The following ESRP1 variants were observed in gnomAD, a reference collection of about 807,000 sequenced individuals.
The protein encoded by ESRP1 is epithelial splicing regulatory protein 1.
Under a neutral mutation model 81.7 loss-of-function variants are expected in ESRP1, and 33 were observed. The observed-to-expected ratio is 0.40, with a 90% CI of 0.31 to 0.54. ESRP1 has a LOEUF of 0.54. Ranked by LOEUF, ESRP1 falls within the 20% of genes least tolerant of loss-of-function variation. The pLI, the probability that ESRP1 is intolerant of heterozygous loss-of-function variation, is 0.41. For synonymous variants in ESRP1, 320 were observed against 303.3 expected (o/e 1.06, Z -0.57); for missense variants, 672 against 833.1 (o/e 0.81, Z 2.38).
At chr8:94,654,299 C>CA (rs1187196610) in intron 4 of ESRP1, among the ~76,000 whole-genome samples, 4 of 152,124 alleles carry the variant, frequency 2.6e-5, no homozygotes. Flanking sequence ...GCCTGGGCGA[C>CA]AGAGTGAGAC....
At chr8:94,695,975 A>C (rs2130726028) in intron 14 of ESRP1, among the ~76,000 whole-genome samples, 2 of 152,242 alleles carry the variant, frequency 1.3e-5, no homozygotes, top group East Asian at 3.9e-4. Flanking sequence ...AGGCAGGAGA[A>C]GTGCTTGAAC....
intron 12 of ESRP1, among the ~76,000 whole-genome samples, chr8:94,677,136 T>G (rs1808678606): frequency 6.6e-6 from 1 of 152,180 alleles, no homozygotes; most frequent in African/African-American, 2.4e-5. Context: ...GATCAATATG[T>G]TAGTCTTTTT....
chr8:94,663,029 G>C (rs1818831120), intron 6 of ESRP1, among the ~76,000 whole-genome samples: 1 of 152,112 alleles, frequency 6.6e-6, no homozygotes, highest in South Asian at 2.1e-4. Flanking sequence ...GTATTACTTA[G>C]AGCTTGATAT....
chr8:94,697,633 T>C (rs1349202070), intron 15 of ESRP1, among the ~76,000 whole-genome samples: 1 of 152,248 alleles, frequency 6.6e-6, no homozygotes, highest in African/African-American at 2.4e-5. Flanking sequence ...TTTCTGGCTA[T>C]TGTGAATGGT....
At chr8:94,642,201 G>T (rs1390735571) in intron 2 of ESRP1, 117 bp downstream of exon 2, 1 of 1,324,732 alleles carries the variant, frequency 7.5e-7, no homozygotes, top group Non-Finnish European at 1.0e-6. Flanking sequence ...CGCCTGCCCG[G>T]CCGCGTGGGT....
At chr8:94,670,231 A>G (rs1440250903) in intron 10 of ESRP1, among the ~76,000 whole-genome samples, 3 of 152,104 alleles carry the variant, frequency 2.0e-5, no homozygotes, top group African/African-American at 4.8e-5. Context: ...TTTCTTCATT[A>G]CTAGTCATTT....
chr8:94,649,240 T>A (rs1394196707), intron 4 of ESRP1, among the ~76,000 whole-genome samples: 1 of 152,164 alleles, frequency 6.6e-6, no homozygotes, highest in Admixed American at 6.5e-5. Context: ...TGGAGATGGG[T>A]CCTCATATTT....
chr8:94,653,304 A>G (rs1334223738), intron 4 of ESRP1, among the ~76,000 whole-genome samples: 6 of 152,166 alleles, frequency 3.9e-5, no homozygotes, highest in African/African-American at 1.4e-4. Context: ...GTAGGTTACA[A>G]TTGGGGATAA....
chr8:94,643,430 C>T lies in ESRP1; in HGVS notation c.375+14C>T, dbSNP rs759753771. 46 of 1,579,140 alleles carry T rather than the reference C, an allele frequency of 2.9e-5. No individual in the cohort carries two copies. The African/African-American group carries it at 4.9e-4, about 17-fold the overall frequency. On this transcript the variant is annotated intron_variant, in intron 3 of 15. Transcript: ENST00000433389. ...GCTTCCAAGAAGGTAAGAGTGCTGGCTTCTGGGAAAAAAATGGTTGGAGCT... is the reference window on the plus strand; with the variant it reads ...GCTTCCAAGAAGGTAAGAGTGCTGGTTTCTGGGAAAAAAATGGTTGGAGCT...
At chr8:94,698,001 T>G (rs1475259970) in intron 15 of ESRP1, among the ~76,000 whole-genome samples, 5 of 152,180 alleles carry the variant, frequency 3.3e-5, no homozygotes, top group African/African-American at 1.2e-4. Context: ...CAGGCTGGTC[T>G]TGAACTCCTG....
At chr8:94,705,080 C>T (rs1015800402) in intron 15 of ESRP1, among the ~76,000 whole-genome samples, 8 of 149,492 alleles carry the variant, frequency 5.4e-5, no homozygotes, top group Admixed American at 6.7e-5. Context: ...ATCCATGATC[C>T]ATATAAAGGT....
chr8:94,641,293 C>T lies in ESRP1; in HGVS notation c.-26C>T. 1.9e-6 allele frequency: 3 copies of T among 1,592,178 alleles called. No individual in the cohort carries two copies. Among genetic ancestry groups the T allele is most frequent in the South Asian group, 2.2e-5 (2 of 90,166 alleles). On this transcript the variant is annotated 5_prime_UTR_variant, in exon 1 of 16. Coordinates refer to ENST00000433389, the MANE Select transcript of ESRP1 (RefSeq NM_017697.4). ...CACCACCTTACCGCCTCCCGACCCC[C>T]CCTCTCCCCCTCCCCACCTATCGTC...
Position 94,652,681 on chromosome 8 carries a change from C to A in ESRP1, c.490+6399C>A, listed in dbSNP as rs529865953. On this transcript the variant is annotated intron_variant, in intron 4 of 15. Transcript: ENST00000433389. ...TTTGTCAGGAACTTACTTATTCTCA[C>A]TAATCAAGACTTCTAATATTGTGTT... Among the ~76,000 whole-genome samples, 67 of 152,254 alleles carry A rather than the reference C, an allele frequency of 4.4e-4. 1 individual carries two copies. The highest frequency in any genetic ancestry group is 1.6e-3 in the African/African-American group (67 of 41,542).
Position 94,641,413 on chromosome 8 carries a change from T to A in ESRP1, c.95T>A (p.Leu32Gln). The A allele has an allele frequency of 6.2e-7, 1 of 1,613,930 alleles. No individual in the cohort carries two copies. The highest frequency in any genetic ancestry group is 8.5e-7 in the Non-Finnish European group (1 of 1,179,878). Residue 32 changes from leucine (L) to glutamine (Q), a missense_variant, in exon 1 of 16, where the codon CTG becomes CAG. Physicochemically the swap from Leu to Gln is moderately radical, Grantham distance 113. Coordinates refer to ENST00000433389, the MANE Select transcript of ESRP1 (RefSeq NM_017697.4). ...GGCTCGGATGAGAAGGAGTTGATCC[T>A]GCTGTTCTGGAAAGTCGTGGATCTG... Reference protein sequence around the residue: ...KLGSDEKELILLFWKVVDLAN... With the variant: ...KLGSDEKELIQLFWKVVDLAN...
intron 15 of ESRP1, among the ~76,000 whole-genome samples, chr8:94,699,646 C>CA (rs1230569200): frequency 6.6e-6 from 1 of 151,580 alleles, no homozygotes; most frequent in Non-Finnish European, 1.5e-5. Context: ...TGTCTCAAAA[C>CA]AAAAAAAGCA....
At chr8:94,654,512 C>T (rs922578723) in intron 4 of ESRP1, among the ~76,000 whole-genome samples, 1 of 152,102 alleles carries the variant, frequency 6.6e-6, no homozygotes, top group East Asian at 1.9e-4. Flanking sequence ...CATCTTCTTT[C>T]TTCTAGGGTA....
At position 94,706,052 on chromosome 8, in the gene ESRP1, G is replaced by A; in HGVS notation, c.*163G>A. ...AACTTGATTGGACAAACGGGCCTGT[G>A]CCTTATCTTTTGGTGGAGTGAAAAA... On this transcript the variant is annotated 3_prime_UTR_variant, in exon 16 of 16. Transcript: ENST00000433389. The A allele has an allele frequency of 3.4e-6, 4 of 1,175,164 alleles. 1 individual carries two copies. The South Asian group carries it at 4.6e-5, about 13-fold the overall frequency. 72.8% of individuals were successfully genotyped at this position (1,175,164 alleles called of 1,614,324 possible).
Position 94,651,448 on chromosome 8 carries a change from A to G in ESRP1, c.490+5166A>G, listed in dbSNP as rs563919290. On this transcript the variant is annotated intron_variant, in intron 4 of 15. Coordinates refer to ENST00000433389, the MANE Select transcript of ESRP1 (RefSeq NM_017697.4). ...CTAAAACCCAAGTTGTAGAGTCACA[A>G]AGTCTGAGCTGAGTATACCCTGCTA... Among the ~76,000 whole-genome samples the G allele has an allele frequency of 2.4e-3, 367 of 152,124 alleles. 4 individuals are homozygous for G. The highest frequency in any genetic ancestry group is 0.022 in the South Asian group (105 of 4,814).
At chr8:94,650,070 G>A (rs748156528) in intron 4 of ESRP1, among the ~76,000 whole-genome samples, 2 of 151,982 alleles carry the variant, frequency 1.3e-5, no homozygotes, top group Non-Finnish European at 2.9e-5. Flanking sequence ...GTACCAGAGT[G>A]GTACATTTGT....
Sources: gnomAD v4.1 joint callset for allele counts (sites outside exome capture counted in the v4.1 genomes callset) on GRCh38, gnomAD v4.1.1 for gene constraint, MANE v1.5 for transcripts, NCBI Gene and HGNC (gene_info 2026-07-23, HGNC 2026-07-21) for gene names.